Variants in MCU observed in about 807,000 individuals in gnomAD.
MCU encodes the protein calcium uniporter protein, mitochondrial.
A neutral mutation model predicts 45.2 loss-of-function variants in MCU; 12 were observed. That is an observed-to-expected ratio of 0.27 (90% CI 0.17 to 0.43). The LOEUF is 0.43. Among genes scored for constraint, MCU ranks in the 20% least tolerant of loss-of-function variants. MCU has a pLI of 1.00. For missense variants in MCU, 324 were observed against 436.7 expected (o/e 0.74, Z 2.30); for synonymous variants, 160 against 165.1 (o/e 0.97, Z 0.24).
Position 72,832,727 on chromosome 10 carries a change from A to G in MCU, c.151-1632A>G, listed in dbSNP as rs530575241. Among the ~76,000 whole-genome samples, 31 of 152,310 alleles carry G rather than the reference A, an allele frequency of 2.0e-4. No homozygotes were observed. The East Asian group carries it at 4.4e-3, about 22-fold the overall frequency. ...TCTAAGGACTTTACATGTATTACTC[A>G]TTTAGTCCTCACAACTACTTTATAT... On this transcript the variant is annotated intron_variant, in intron 1 of 7. Coordinates refer to ENST00000373053, the MANE Select transcript of MCU (RefSeq NM_138357.3).
At chr10:72,883,730 A>G (rs1235197044) in intron 6 of MCU, among the ~76,000 whole-genome samples, 2 of 152,202 alleles carry the variant, frequency 1.3e-5, no homozygotes, top group Non-Finnish European at 2.9e-5. Context: ...GTCACACAAT[A>G]TAATATAATG....
At chr10:72,845,349 T>C (rs1177133810) in intron 2 of MCU, among the ~76,000 whole-genome samples, 3 of 152,232 alleles carry the variant, frequency 2.0e-5, no homozygotes, top group Admixed American at 6.5e-5. Context: ...TGCTACTTTC[T>C]CTTAGCCTTA....
chr10:72,759,686 G>A (rs1041230874), intron 1 of MCU, among the ~76,000 whole-genome samples: 1 of 152,098 alleles, frequency 6.6e-6, no homozygotes, highest in Non-Finnish European at 1.5e-5. Context: ...ACATATTATA[G>A]GGTTGAAGCC....
intron 1 of MCU, among the ~76,000 whole-genome samples, chr10:72,822,980 G>T (rs559648263): frequency 6.6e-6 from 1 of 152,220 alleles, no homozygotes; most frequent in South Asian, 2.1e-4. Flanking sequence ...TGTTATCAGA[G>T]TTCCCATGGG....
intron 1 of MCU, among the ~76,000 whole-genome samples, chr10:72,772,802 C>T (rs1212227436): frequency 1.3e-5 from 2 of 152,188 alleles, no homozygotes; most frequent in Non-Finnish European, 2.9e-5. Flanking sequence ...GAAATCATGA[C>T]CTTCCCAAAA....
At chr10:72,848,919 A>T (rs1275940612) in intron 2 of MCU, among the ~76,000 whole-genome samples, 1 of 152,054 alleles carries the variant, frequency 6.6e-6, no homozygotes, top group East Asian at 1.9e-4. Context: ...GAAGAAAGAG[A>T]TGGTGGTGGC....
At chr10:72,723,015 T>C (rs1843045001) in intron 1 of MCU, among the ~76,000 whole-genome samples, 1 of 151,970 alleles carries the variant, frequency 6.6e-6, no homozygotes, top group African/African-American at 2.4e-5. Context: ...GCTAACATGG[T>C]GAAACCCCAT....
chr10:72,715,319 T>C (rs1388233234), intron 1 of MCU: 9 of 241,156 alleles, frequency 3.7e-5, no homozygotes, highest in Non-Finnish European at 6.7e-6. Flanking sequence ...AAAAGGCACT[T>C]GCTTGATCCT....
chr10:72,815,819 A>C (rs536611318), intron 1 of MCU, among the ~76,000 whole-genome samples: 1 of 152,358 alleles, frequency 6.6e-6, no homozygotes, highest in African/African-American at 2.4e-5. Context: ...AATTCATTTC[A>C]TTACAGAGCT....
chr10:72,790,407 T>C (rs148994001), intron 1 of MCU, among the ~76,000 whole-genome samples: 15 of 152,304 alleles, frequency 9.8e-5, no homozygotes, highest in African/African-American at 3.6e-4. Flanking sequence ...GAATGTTGTA[T>C]GTATTTTATA....
At position 72,848,730 on chromosome 10, in the gene MCU, A is replaced by ATGTG. The variant is rs67441573; in HGVS notation, c.221-10435_221-10432dup. On this transcript the variant is annotated intron_variant, in intron 2 of 7. Coordinates refer to ENST00000373053, the MANE Select transcript of MCU (RefSeq NM_138357.3). Reference sequence around the variant, plus strand: ...TGTGTATTGAGATATATGTTTGTGTATGTGTGTGTGTGTGTCTGCCTGTGC... The same window carrying ATGTG: ...TGTGTATTGAGATATATGTTTGTGTATGTGTGTGTGTGTGTGTGTCTGCCTGTGC... Among the ~76,000 whole-genome samples the ATGTG allele has an allele frequency of 3.2e-4, 48 of 151,090 alleles. 1 individual carries two copies. The highest frequency in any genetic ancestry group is 1.6e-3 in the Admixed American group (24 of 15,178).
chr10:72,788,025 G>C (rs1479532430), intron 1 of MCU, among the ~76,000 whole-genome samples: 1 of 152,112 alleles, frequency 6.6e-6, no homozygotes, highest in African/African-American at 2.4e-5. Context: ...CCTAGAATTA[G>C]TTACTGTCTT....
chr10:72,806,652 T>C (rs1470011418), intron 1 of MCU, among the ~76,000 whole-genome samples: 4 of 152,072 alleles, frequency 2.6e-5, no homozygotes, highest in Admixed American at 2.6e-4. Flanking sequence ...GAACAATAAA[T>C]CAATAAGAAA....
At chr10:72,767,867 G>A (rs1843750246) in intron 1 of MCU, among the ~76,000 whole-genome samples, 1 of 152,150 alleles carries the variant, frequency 6.6e-6, no homozygotes, top group Non-Finnish European at 1.5e-5. Flanking sequence ...GGGAATGTAT[G>A]AATAGACAGG....
intron 1 of MCU, among the ~76,000 whole-genome samples, chr10:72,803,247 A>G (rs1844369731): frequency 6.6e-6 from 1 of 151,790 alleles, no homozygotes; most frequent in African/African-American, 2.4e-5. Context: ...ATTTCTTCAC[A>G]AAATCAGCAA....
rs987168526 is a variant in MCU at position 72,862,962 on chromosome 10, G to T, written c.496+2435G>T. ...ATTGGGTCTAACATAGAAAAGTTCT[G>T]AGTGAAACCCTGTTATTAAATTCCT... On this transcript the variant is annotated intron_variant, in intron 4 of 7. Transcript: ENST00000373053. 1.8e-4 allele frequency among the ~76,000 whole-genome samples: 27 copies of T among 151,044 alleles called. 1 individual carries two copies. The highest frequency in any genetic ancestry group is 5.4e-4 in the African/African-American group (22 of 41,094).
At chr10:72,788,909 G>A (rs1844117021) in intron 1 of MCU, among the ~76,000 whole-genome samples, 1 of 152,164 alleles carries the variant, frequency 6.6e-6, no homozygotes, top group Non-Finnish European at 1.5e-5. Flanking sequence ...CATTTGCTGA[G>A]GAATTGCTGG....
chr10:72,810,120 C>T (rs765260981), intron 1 of MCU, among the ~76,000 whole-genome samples: 4 of 151,768 alleles, frequency 2.6e-5, no homozygotes, highest in Admixed American at 6.6e-5. Context: ...AAGTTGGAGA[C>T]ATTAAAGATG....
At chr10:72,882,368 C>T (rs1845716202) in intron 6 of MCU, among the ~76,000 whole-genome samples, 1 of 152,148 alleles carries the variant, frequency 6.6e-6, no homozygotes, top group Non-Finnish European at 1.5e-5. Context: ...CGCCAGTGAG[C>T]CAGGTGGAAC....
Sources: gnomAD v4.1 joint callset for allele counts (sites outside exome capture counted in the v4.1 genomes callset) on GRCh38, gnomAD v4.1.1 for gene constraint, MANE v1.5 for transcripts, NCBI Gene and HGNC (gene_info 2026-07-23, HGNC 2026-07-21) for gene names.